Variants in TBK1 observed in about 807,000 individuals in gnomAD.
TBK1 encodes the protein TANK binding kinase 1, also known as serine/threonine-protein kinase TBK1.
TBK1 carries 37 observed loss-of-function variants against 99.9 expected under a neutral mutation model. That is an observed-to-expected ratio of 0.37 (90% CI 0.28 to 0.49). The LOEUF is 0.49. Among genes scored for constraint, TBK1 ranks in the 20% least tolerant of loss-of-function variants. The pLI is 0.98. For missense variants in TBK1, 644 were observed against 872.5 expected, an observed-to-expected ratio of 0.74 and a Z score of 3.30; for synonymous variants, 258 against 279.8, an observed-to-expected ratio of 0.92 and a Z score of 0.78.
chr12:64,467,652 G>T (rs1050132857), intron 5 of TBK1, among the ~76,000 whole-genome samples: 1 of 152,080 alleles, frequency 6.6e-6, no homozygotes, highest in African/African-American at 2.4e-5. Context: ...TAATCAGGAA[G>T]TTTAATATAT....
At chr12:64,464,046 T>G (rs1225836888) in intron 3 of TBK1, among the ~76,000 whole-genome samples, 1 of 152,064 alleles carries the variant, frequency 6.6e-6, no homozygotes, top group African/African-American at 2.4e-5. Flanking sequence ...GTATTTTTAG[T>G]AGAGACCGGG....
intron 5 of TBK1, among the ~76,000 whole-genome samples, chr12:64,467,535 A>G (rs1425376178): frequency 6.6e-6 from 1 of 152,224 alleles, no homozygotes; most frequent in Non-Finnish European, 1.5e-5. Flanking sequence ...TTAGAAAGCT[A>G]GAAAAGCTCT....
chr12:64,453,429 G>A (rs1383389142), intron 1 of TBK1, among the ~76,000 whole-genome samples: 1 of 152,136 alleles, frequency 6.6e-6, no homozygotes, highest in Non-Finnish European at 1.5e-5. Flanking sequence ...TGTAATGACT[G>A]GCAAATGTGT....
chr12:64,480,598 A>G (rs1055354684), intron 7 of TBK1, among the ~76,000 whole-genome samples: 6 of 152,224 alleles, frequency 3.9e-5, no homozygotes, highest in African/African-American at 7.2e-5. Context: ...TAGCATTTCA[A>G]ATGTTCATTT....
At chr12:64,498,097 T>G (rs900360284) in intron 20 of TBK1, 58 bp downstream of exon 20, 4 of 1,370,662 alleles carry the variant, frequency 2.9e-6, no homozygotes, top group African/African-American at 1.5e-5. Flanking sequence ...CATTCACATC[T>G]GTACTTATAT....
In TBK1 at chr12:64,462,567, C is replaced by T. The variant is rs150569198; in HGVS notation, c.229-1767C>T. ...TCCCAAATTTTCAACAATCAACATA[C>T]ATTATCATTTAAAAGCAACAGTTTT... On this transcript the variant is annotated intron_variant, in intron 3 of 20. Coordinates refer to ENST00000331710, the MANE Select transcript of TBK1 (RefSeq NM_013254.4). Among the ~76,000 whole-genome samples the T allele has an allele frequency of 4.5e-3, 683 of 152,102 alleles. 7 individuals carry two copies. The highest frequency in any genetic ancestry group is 0.016 in the African/African-American group (647 of 41,516).
chr12:64,476,314 C>T (rs546543950), intron 6 of TBK1, among the ~76,000 whole-genome samples: 79 of 151,926 alleles, frequency 5.2e-4, no homozygotes, highest in Middle Eastern at 6.8e-3. Flanking sequence ...CGTGCCACCA[C>T]ACCCGGCTAA....
At chr12:64,490,329 C>T (rs537821278) in intron 13 of TBK1, among the ~76,000 whole-genome samples, 1 of 152,298 alleles carries the variant, frequency 6.6e-6, no homozygotes, top group South Asian at 2.1e-4. Context: ...GCCTGGGCAA[C>T]TGCACGAAAT....
intron 4 of TBK1, among the ~76,000 whole-genome samples, chr12:64,465,242 CAAAAAA>C (rs57575805): frequency 5.2e-5 from 3 of 57,918 alleles, no homozygotes; most frequent in African/African-American, 7.9e-5. Context: ...AAGACTATCT[CAAAAAA>C]AAAAAAAAAA....
chr12:64,462,829 G>A (rs909480399), intron 3 of TBK1, among the ~76,000 whole-genome samples: 6 of 151,930 alleles, frequency 3.9e-5, no homozygotes, highest in African/African-American at 7.3e-5. Context: ...CTTTTTCCCC[G>A]TAATGCTGTT....
chr12:64,456,703 G>A (rs776470438), intron 2 of TBK1, among the ~76,000 whole-genome samples: 4 of 151,928 alleles, frequency 2.6e-5, no homozygotes, highest in South Asian at 2.1e-4. Context: ...TTAGCCAGGC[G>A]TGGTGGCGGG....
intron 2 of TBK1, among the ~76,000 whole-genome samples, chr12:64,459,542 G>A (rs150469463): frequency 6.6e-6 from 1 of 152,132 alleles, no homozygotes; most frequent in Non-Finnish European, 1.5e-5. Flanking sequence ...TCTAGAGAGG[G>A]TCTGTGAAGG....
intron 3 of TBK1, among the ~76,000 whole-genome samples, chr12:64,460,793 C>T (rs1231377406): frequency 6.9e-6 from 1 of 145,602 alleles, no homozygotes; most frequent in African/African-American, 2.6e-5. Context: ...GAGATCGCAC[C>T]ACTGCACTCC....
chr12:64,498,127 C>A, intron 20 of TBK1, 88 bp downstream of exon 20: 1 of 1,133,030 alleles, frequency 8.8e-7, no homozygotes, highest in Non-Finnish European at 1.3e-6. Flanking sequence ...TCAATAGATT[C>A]AGCAGTGGTA....
intron 6 of TBK1, among the ~76,000 whole-genome samples, chr12:64,478,544 G>A (rs991647056): frequency 4.6e-5 from 7 of 152,194 alleles, no homozygotes; most frequent in African/African-American, 1.7e-4. Flanking sequence ...AAAATTGAGG[G>A]AGAAGCATGT....
intron 8 of TBK1, among the ~76,000 whole-genome samples, chr12:64,482,913 CTG>C (rs1383039186): frequency 9.2e-5 from 14 of 152,140 alleles, no homozygotes; most frequent in Non-Finnish European, 1.6e-4. Flanking sequence ...GCATGTAAAA[CTG>C]GGGAAATTTG....
chr12:64,454,045 C>A lies in TBK1; in HGVS notation c.-31-1795C>A, dbSNP rs2040457995. On this transcript the variant is annotated intron_variant, in intron 1 of 20. Transcript: ENST00000331710. ...AATATTATGCAGTGACAACATTTGT[C>A]TTCATTAGTGTTTCTCTGCTCTGAA... Among the ~76,000 whole-genome samples, 3 of 152,038 alleles carry A rather than the reference C, an allele frequency of 2.0e-5. No homozygotes were observed. The South Asian group carries it at 6.2e-4, about 31-fold the overall frequency.
At chr12:64,464,534 C>T (rs2040582827) in intron 4 of TBK1, 71 bp downstream of exon 4, 1 of 1,249,146 alleles carries the variant, frequency 8.0e-7, no homozygotes, top group African/African-American at 1.5e-5. Flanking sequence ...AAAATATCTT[C>T]CATTCAAAAC....
At chr12:64,490,213 T>C in intron 13 of TBK1, 94 bp downstream of exon 13, 1 of 833,004 alleles carries the variant, frequency 1.2e-6, no homozygotes, top group South Asian at 1.9e-5. Flanking sequence ...CTAGGCATGG[T>C]AGTACACACC....
Sources: allele counts gnomAD v4.1 joint callset (sites outside exome capture counted in the v4.1 genomes callset), GRCh38; gene constraint gnomAD v4.1.1; transcripts MANE v1.5; gene names NCBI Gene and HGNC (gene_info 2026-07-23, HGNC 2026-07-21).